Variants in CYP4F12 observed in about 807,000 individuals in gnomAD.
The protein encoded by CYP4F12 is cytochrome P450 family 4 subfamily F member 12, also known as cytochrome P450 4F12.
CYP4F12 carries 60 observed loss-of-function variants against 56.5 expected under a neutral mutation model. The observed-to-expected ratio is 1.06, with a 90% CI of 0.86 to 1.32. CYP4F12 has a LOEUF of 1.32. CYP4F12 is among the 40% of genes most tolerant of loss of function. The probability of loss-of-function intolerance (pLI) is 0.00; values close to 1 mark genes in which losing one functional copy is unlikely to be tolerated. For missense variants in CYP4F12, 711 were observed against 683.5 expected, an observed-to-expected ratio of 1.04 and a Z score of -0.45; for synonymous variants, 263 against 264.9, an observed-to-expected ratio of 0.99 and a Z score of 0.07.
intron 5 of CYP4F12, chr19:15,680,948 G>A (rs2007264990): frequency 9.7e-6 from 3 of 308,154 alleles, no homozygotes; most frequent in East Asian, 9.3e-5. Context: ...GGGCAGCTTT[G>A]CTGATCCTGG....
intron 2 of CYP4F12, among the ~76,000 whole-genome samples, chr19:15,675,655 T>G (rs978436761): frequency 4.6e-5 from 7 of 152,274 alleles, no homozygotes; most frequent in Admixed American, 6.5e-5. Flanking sequence ...GCTTTGGTAT[T>G]TACCCTTGGA....
At chr19:15,695,428 C>G (rs1189281085) in intron 9 of CYP4F12, among the ~76,000 whole-genome samples, 1 of 151,284 alleles carries the variant, frequency 6.6e-6, no homozygotes, top group African/African-American at 2.4e-5. Context: ...GGGTGCAGCA[C>G]ACCAGCATGG....
rs1568414009 is a variant in CYP4F12, at chr19:15,677,124, T to TTCCTCTCCTCACTCAC, written c.199-1135_199-1134insCTCTCCTCACTCACTC. 1.8e-4 allele frequency among the ~76,000 whole-genome samples: 19 copies of TTCCTCTCCTCACTCAC among 105,868 alleles called. 4 individuals carry two copies. Among genetic ancestry groups the TTCCTCTCCTCACTCAC allele is most frequent in the African/African-American group, 6.1e-4 (18 of 29,478 alleles). 69.5% of individuals were successfully genotyped at this position (105,868 alleles called of 152,430 possible). A position where few individuals can be genotyped will look rare whatever the true frequency, so the allele number is the denominator to read the frequency against. ...ACTCATTCCTCTGCTCACTCACTCA[T>TTCCTCTCCTCACTCAC]TCATATCCTCACTCACTCATTCCTC... On this transcript the variant is annotated intron_variant, in intron 2 of 12. Coordinates refer to ENST00000550308, the MANE Select transcript of CYP4F12 (RefSeq NM_023944.4).
Position 15,696,940 on chromosome 19 carries a change from A to T in CYP4F12, c.1430A>T (p.Glu477Val). ...ATCGGGCAGGCGTTCGCCATGGCGGAGATGAAAGTGGTCCTGGCGTTGATG... is the reference window on the plus strand; with the variant it reads ...ATCGGGCAGGCGTTCGCCATGGCGGTGATGAAAGTGGTCCTGGCGTTGATG... ...NCIGQAFAMAEMKVVLALMLL... is the reference protein window; with the variant it reads ...NCIGQAFAMAVMKVVLALMLL... Residue 477 changes from glutamate to valine, a missense_variant, in exon 13 of 13, where the codon GAG becomes GTG. Coordinates refer to ENST00000550308, the MANE Select transcript of CYP4F12 (RefSeq NM_023944.4). 1 of 1,613,970 alleles carries T rather than the reference A, an allele frequency of 6.2e-7. No homozygotes were observed. Among genetic ancestry groups the T allele is most frequent in the East Asian group, 2.2e-5 (1 of 44,862 alleles).
At chr19:15,678,534 T>C (rs1568415600) in intron 3 of CYP4F12, 129 bp downstream of exon 3, 1 of 1,251,588 alleles carries the variant, frequency 8.0e-7, no homozygotes, top group Non-Finnish European at 1.1e-6. Context: ...TCTCCCTCCA[T>C]TGCCATCTGC....
At chr19:15,675,429 C>CCT (rs2006870173) in intron 2 of CYP4F12, among the ~76,000 whole-genome samples, 1 of 151,932 alleles carries the variant, frequency 6.6e-6, no homozygotes, top group African/African-American at 2.4e-5. Context: ...GCCCTCAGGA[C>CCT]GCAGGCCCTT....
intron 11 of CYP4F12, 40 bp downstream of exon 11, chr19:15,696,265 T>A: frequency 6.2e-7 from 1 of 1,613,244 alleles, no homozygotes; most frequent in Non-Finnish European, 8.5e-7. Context: ...CCCCATCCTC[T>A]ACTTTTGTGT....
Position 15,677,757 on chromosome 19 carries a change from T to G in CYP4F12, c.199-504T>G, listed in dbSNP as rs1304887288. 1.6e-4 allele frequency among the ~76,000 whole-genome samples: 2 copies of G among 12,182 alleles called. 1 individual carries two copies. Among genetic ancestry groups the G allele is most frequent in the East Asian group, 0.012 (2 of 166 alleles). 8.0% of individuals were successfully genotyped at this position (12,182 alleles called of 152,430 possible). A position where few individuals can be genotyped will look rare whatever the true frequency, so the allele number is the denominator to read the frequency against. ...CCTCACTCACTCATTCCTCTACCCA[T>G]GCACTCATTCTTCTCCTCACTCATT... On this transcript the variant is annotated intron_variant, in intron 2 of 12. Coordinates refer to ENST00000550308, the MANE Select transcript of CYP4F12 (RefSeq NM_023944.4).
chr19:15,690,929 T>A (rs1301961239), intron 9 of CYP4F12, among the ~76,000 whole-genome samples: 1 of 152,246 alleles, frequency 6.6e-6, no homozygotes, highest in African/African-American at 2.4e-5. Flanking sequence ...CTTCTTATAT[T>A]CCTTATATTT....
Position 15,696,902 on chromosome 19 carries a change from C to T in CYP4F12, c.1398-6C>T. On this transcript the variant is annotated splice_polypyrimidine_tract_variant and splice_region_variant and intron_variant, in intron 12 of 12. Transcript: ENST00000550308. ...GCACAGTCACAGTCCCCACTCCCGC[C>T]TGCAGGAACTGCATCGGGCAGGCGT... 6.2e-7 allele frequency: 1 copy of T among 1,609,900 alleles called. No individual in the cohort carries two copies. The highest frequency in any genetic ancestry group is 8.5e-7 in the Non-Finnish European group (1 of 1,177,786).
In CYP4F12 at chr19:15,684,846, G is replaced by C; in HGVS notation, c.949G>C (p.Asp317His). ...AGATGGGAAGGCATTGTCAGATGAGGATATAAGAGCAGAGGCTGACACCTT... is the reference window on the plus strand; with the variant it reads ...AGATGGGAAGGCATTGTCAGATGAGCATATAAGAGCAGAGGCTGACACCTT... ...DEDGKALSDE[D>H]IRAEADTFMF... Residue 317 changes from aspartate (D) to histidine (H), a missense_variant, in exon 8 of 13, where the codon GAT becomes CAT. Physicochemically the swap from Asp to His is moderately conservative, Grantham distance 81. Coordinates refer to ENST00000550308, the MANE Select transcript of CYP4F12 (RefSeq NM_023944.4). The C allele has an allele frequency of 6.2e-7, 1 of 1,609,442 alleles. No individual in the cohort carries two copies. Among genetic ancestry groups the C allele is most frequent in the Non-Finnish European group, 8.5e-7 (1 of 1,177,964 alleles).
chr19:15,676,331 C>T (rs112247249), intron 2 of CYP4F12, among the ~76,000 whole-genome samples: 1 of 130,312 alleles, frequency 7.7e-6, no homozygotes, highest in African/African-American at 2.9e-5. Flanking sequence ...TCATTCCTCT[C>T]CTCACTCACT....
intron 6 of CYP4F12, among the ~76,000 whole-genome samples, chr19:15,682,737 T>C (rs2144729456): frequency 6.6e-6 from 1 of 152,074 alleles, no homozygotes; most frequent in South Asian, 2.1e-4. Flanking sequence ...ACAGTAGAAA[T>C]GAGGTTGTGG....
Position 15,696,150 on chromosome 19 carries a change from C to A in CYP4F12, c.1250-11C>A. On this transcript the variant is annotated splice_polypyrimidine_tract_variant and intron_variant, in intron 10 of 12. Transcript: ENST00000550308. ...GGATCCTTGTCCTGACTGCCCCTTT[C>A]TCTCCCACAGGCATTACCTGCCTCA... is the stretch of plus-strand genomic sequence containing the variant. 6.2e-7 allele frequency: 1 copy of A among 1,613,312 alleles called. No homozygotes were observed.
rs1227443462 is a variant in CYP4F12 at position 15,680,226 on chromosome 19, G to A, written c.344-18G>A. 1 of 1,585,276 alleles carries A rather than the reference G, an allele frequency of 6.3e-7. No individual in the cohort carries two copies. On this transcript the variant is annotated intron_variant, in intron 3 of 12. Coordinates refer to ENST00000550308, the MANE Select transcript of CYP4F12 (RefSeq NM_023944.4). ...TCTTGCCCTCTACATGGCCCCTGATGGTCCTCGTTCATGTCAGCTGCCATT... is the reference window on the plus strand; with the variant it reads ...TCTTGCCCTCTACATGGCCCCTGATAGTCCTCGTTCATGTCAGCTGCCATT...
chr19:15,691,008 A>C (rs1033147506), intron 9 of CYP4F12, among the ~76,000 whole-genome samples: 3 of 152,124 alleles, frequency 2.0e-5, no homozygotes, highest in African/African-American at 7.2e-5. Context: ...ACTGTGTCTG[A>C]CAGATATTTT....
At chr19:15,683,991 G>C (rs1484938851) in intron 7 of CYP4F12, 1 of 422,538 alleles carries the variant, frequency 2.4e-6, no homozygotes, top group African/African-American at 2.0e-5. Context: ...TTATAAGTTA[G>C]TGTGTTAGTC....
At chr19:15,678,199 C>T in intron 2 of CYP4F12, 62 bp from the exon 3 acceptor site, 1 of 1,602,588 alleles carries the variant, frequency 6.2e-7, no homozygotes, top group South Asian at 1.1e-5. Context: ...TCCCTTAGCC[C>T]AGTCTAGTGG....
At position 15,696,245 on chromosome 19, in the gene CYP4F12, C is replaced by T. The variant is rs375720886; in HGVS notation, c.1314+20C>T. 8.5e-5 allele frequency: 137 copies of T among 1,613,258 alleles called. No homozygotes were observed. Among genetic ancestry groups the T allele is most frequent in the African/African-American group, 4.5e-4 (34 of 74,856 alleles). On this transcript the variant is annotated intron_variant, in intron 11 of 12. Coordinates refer to ENST00000550308, the MANE Select transcript of CYP4F12 (RefSeq NM_023944.4). ...CCTGAGGTGCTGCCTTCCCCATTCA[C>T]CACCACCACCCCCATCCTCTACTTT...
Sources: gnomAD v4.1 joint callset for allele counts (sites outside exome capture counted in the v4.1 genomes callset) on GRCh38, gnomAD v4.1.1 for gene constraint, MANE v1.5 for transcripts, NCBI Gene and HGNC (gene_info 2026-07-23, HGNC 2026-07-21) for gene names.